Variants in CPEB4 observed in about 807,000 individuals in gnomAD.
CPEB4 encodes cytoplasmic polyadenylation element binding protein 4.
A neutral mutation model predicts 72.5 loss-of-function variants in CPEB4; 12 were observed. The observed-to-expected ratio is 0.17, with a 90% CI of 0.11 to 0.27. The LOEUF (loss-of-function observed/expected upper bound fraction) is 0.27, where lower values mean the gene tolerates loss of function less well. Among genes scored for constraint, CPEB4 ranks in the 10% least tolerant of loss-of-function variants. The pLI is 1.00. For missense variants in CPEB4, 614 were observed against 908.5 expected (o/e 0.68, Z 4.17); for synonymous variants, 302 against 326.3 (o/e 0.93, Z 0.80).
Position 173,957,144 on chromosome 5 carries a change from A to G in CPEB4, c.*1007A>G, listed in dbSNP as rs1253923767. ...TCCATTTTGACGTTAAAAAACAACA[A>G]CAGATCTAGAGATACCTCAAGGATA... On this transcript the variant is annotated 3_prime_UTR_variant, in exon 10 of 10. Transcript: ENST00000265085. 2.0e-5 allele frequency: 3 copies of G among 152,748 alleles called. No homozygotes were observed. The highest frequency in any genetic ancestry group is 2.1e-4 in the South Asian group (1 of 4,830). The allele number at this position is 152,748 out of a possible 1,614,324, so 9.5% of individuals were successfully genotyped here.
At chr5:173,911,758 C>A (rs1756672281) in intron 2 of CPEB4, among the ~76,000 whole-genome samples, 1 of 139,052 alleles carries the variant, frequency 7.2e-6, no homozygotes, top group Non-Finnish European at 1.5e-5. Context: ...CTGTTGGCTC[C>A]TTCATTCATT....
intron 2 of CPEB4, among the ~76,000 whole-genome samples, chr5:173,913,094 A>ACAAACT (rs1756725572): frequency 1.3e-5 from 2 of 152,166 alleles, no homozygotes; most frequent in African/African-American, 4.8e-5. Context: ...CAGAAAATAT[A>ACAAACT]GGTTACAAAC....
At chr5:173,907,791 A>G (rs1756496550) in intron 1 of CPEB4, among the ~76,000 whole-genome samples, 1 of 152,086 alleles carries the variant, frequency 6.6e-6, no homozygotes, top group East Asian at 1.9e-4. Flanking sequence ...TTTTAAACGG[A>G]GATCATCTGC....
In CPEB4 at chr5:173,951,938, G is replaced by A; in HGVS notation, c.1780G>A (p.Val594Met). 6.3e-7 allele frequency: 1 copy of A among 1,596,648 alleles called. No homozygotes were observed. Among genetic ancestry groups the A allele is most frequent in the Non-Finnish European group, 8.6e-7 (1 of 1,164,336 alleles). The change falls in exon 8 of 10, where the codon GTG becomes ATG. Residue 594 changes from valine to methionine, a missense_variant and splice_region_variant. Val to Met is a conservative substitution (Grantham distance 21). Around this residue, in one of 5 missense-constraint regions of CPEB4, gnomAD observed 101 missense variants for 243.1 expected, o/e 0.42. Transcript: ENST00000265085. ...VGGVPRPLRA[V>M]ELAMIMDRLY... ...TGGTGTTCCTCGACCATTACGAGCTGGTATGATTAAACAAACGACAAACTC... is the reference window on the plus strand; with the variant it reads ...TGGTGTTCCTCGACCATTACGAGCTAGTATGATTAAACAAACGACAAACTC...
chr5:173,923,660 G>A (rs1412984171), intron 2 of CPEB4, among the ~76,000 whole-genome samples: 1 of 151,586 alleles, frequency 6.6e-6, no homozygotes, highest in African/African-American at 2.4e-5. Context: ...CTACTACTTG[G>A]TCTGTTTTTC....
In CPEB4 at chr5:173,919,630, T is replaced by A. The variant is rs1184306937; in HGVS notation, c.1207+9026T>A. On this transcript the variant is annotated intron_variant, in intron 2 of 9. Coordinates refer to ENST00000265085, the MANE Select transcript of CPEB4 (RefSeq NM_030627.4). ...AAGCCCTTTGTTGTCTATGAAGGTC[T>A]TAAGGCTTTCCTTGATCTTGTTATA... Among the ~76,000 whole-genome samples, 3 of 152,228 alleles carry A rather than the reference T, an allele frequency of 2.0e-5. No individual in the cohort carries two copies. The East Asian group carries it at 5.8e-4, about 29-fold the overall frequency.
At chr5:173,892,406 TG>T (rs1386716273) in intron 1 of CPEB4, among the ~76,000 whole-genome samples, 1 of 151,764 alleles carries the variant, frequency 6.6e-6, no homozygotes, top group Admixed American at 6.6e-5. Context: ...GACAATCCCA[TG>T]AAGTCTATTT....
At chr5:173,938,740 C>T (rs756485589) in intron 3 of CPEB4, among the ~76,000 whole-genome samples, 2 of 152,070 alleles carry the variant, frequency 1.3e-5, no homozygotes, top group Non-Finnish European at 2.9e-5. Context: ...AAGTCCTATT[C>T]GTGACAGAAT....
chr5:173,940,983 A>G (rs1353416731), intron 3 of CPEB4, among the ~76,000 whole-genome samples: 3 of 152,170 alleles, frequency 2.0e-5, no homozygotes, highest in African/African-American at 4.8e-5. Flanking sequence ...AGAGTATTTG[A>G]TTGTAACTTT....
chr5:173,899,224 A>C (rs1376651856), intron 1 of CPEB4, among the ~76,000 whole-genome samples: 2 of 152,150 alleles, frequency 1.3e-5, no homozygotes, highest in Non-Finnish European at 2.9e-5. Flanking sequence ...GGCTTCAACA[A>C]TTATCAGCTC....
intron 1 of CPEB4, among the ~76,000 whole-genome samples, chr5:173,892,006 G>A (rs1755830344): frequency 6.6e-6 from 1 of 151,846 alleles, no homozygotes; most frequent in African/African-American, 2.4e-5. Flanking sequence ...TTGAAAATAT[G>A]TATACATACA....
At chr5:173,919,806 T>C (rs1757009850) in intron 2 of CPEB4, among the ~76,000 whole-genome samples, 1 of 152,206 alleles carries the variant, frequency 6.6e-6, no homozygotes, top group Admixed American at 6.5e-5. Context: ...GAATTATTAC[T>C]TCCCAAAACT....
chr5:173,933,324 C>A (rs1218966090), intron 3 of CPEB4, among the ~76,000 whole-genome samples: 1 of 152,142 alleles, frequency 6.6e-6, no homozygotes, highest in Non-Finnish European at 1.5e-5. Context: ...AATAAAAATT[C>A]TTCCACTCCT....
At chr5:173,918,083 A>G (rs539357002) in intron 2 of CPEB4, 10 of 152,374 alleles carry the variant, frequency 6.6e-5, no homozygotes, top group African/African-American at 2.4e-4. Flanking sequence ...CAAAGAGTAT[A>G]ATTTAAACTG....
Position 173,957,990 on chromosome 5 carries a change from T to TAGC in CPEB4, c.*1854_*1856dup, listed in dbSNP as rs1561636547. The TAGC allele has an allele frequency of 2.0e-5, 3 of 152,790 alleles. No homozygotes were observed. Among genetic ancestry groups the TAGC allele is most frequent in the African/African-American group, 7.2e-5 (3 of 41,456 alleles). The allele number at this position is 152,790 out of a possible 1,614,324, so 9.5% of individuals were successfully genotyped here. On this transcript the variant is annotated 3_prime_UTR_variant, in exon 10 of 10. Coordinates refer to ENST00000265085, the MANE Select transcript of CPEB4 (RefSeq NM_030627.4). ...CATGCGAATGGAGGGTGCTCTTGTG[T>TAGC]AGCTGGTCAGGGACTTTTTTTTCTT...
At chr5:173,924,503 G>C (rs758477829) in intron 2 of CPEB4, among the ~76,000 whole-genome samples, 4 of 152,070 alleles carry the variant, frequency 2.6e-5, no homozygotes, top group Non-Finnish European at 5.9e-5. Context: ...AATCCTACTT[G>C]TCCTTTCTCT....
At chr5:173,914,946 T>C (rs933268403) in intron 2 of CPEB4, among the ~76,000 whole-genome samples, 1 of 152,200 alleles carries the variant, frequency 6.6e-6, no homozygotes, top group African/African-American at 2.4e-5. Context: ...TCATTTCTGG[T>C]TCCTCATAGG....
intron 1 of CPEB4, 59 bp downstream of exon 1, chr5:173,890,917 C>T (rs2113112328): frequency 6.7e-7 from 1 of 1,487,660 alleles, no homozygotes; most frequent in Non-Finnish European, 9.1e-7. Flanking sequence ...GGTGTAATAT[C>T]TATGTAACTA....
rs751720147 is a variant in CPEB4 at position 173,957,178 on chromosome 5, G to A, written c.*1041G>A. 6.5e-5 allele frequency: 10 copies of A among 152,788 alleles called. No individual in the cohort carries two copies. Among genetic ancestry groups the A allele is most frequent in the Admixed American group, 1.3e-4 (2 of 15,284 alleles). 9.5% of individuals were successfully genotyped at this position (152,788 alleles called of 1,614,324 possible). On this transcript the variant is annotated 3_prime_UTR_variant, in exon 10 of 10. Coordinates refer to ENST00000265085, the MANE Select transcript of CPEB4 (RefSeq NM_030627.4). Reference sequence around the variant, plus strand: ...GAGATACCTCAAGGATATCATTTTTGATTTTGTGTTACAGTACACTTGTAG... The same window carrying A: ...GAGATACCTCAAGGATATCATTTTTAATTTTGTGTTACAGTACACTTGTAG...
Sources: gnomAD v4.1 joint callset for allele counts (sites outside exome capture counted in the v4.1 genomes callset) on GRCh38, gnomAD v4.1.1 for gene constraint, gnomAD v4.1.1 regional missense constraint, MANE v1.5 for transcripts, NCBI Gene and HGNC (gene_info 2026-07-23, HGNC 2026-07-21) for gene names.